Variants in INPP5F observed in about 807,000 individuals in gnomAD.
INPP5F encodes the protein phosphatidylinositide 4-phosphatase SAC2.
In INPP5F, 97 loss-of-function variants were observed where a neutral mutation model predicts 137.2. That is an observed-to-expected ratio of 0.71 (90% confidence interval 0.60 to 0.84). INPP5F has a LOEUF of 0.84. Ranked by LOEUF, INPP5F falls within the 40% of genes least tolerant of loss-of-function variation. The probability of loss-of-function intolerance (pLI) is 0.00; values close to 1 mark genes in which losing one functional copy is unlikely to be tolerated. For synonymous variants in INPP5F, 504 were observed against 476.9 expected, an observed-to-expected ratio of 1.06 and a Z score of -0.74; for missense variants, 1,271 against 1,371.9, an observed-to-expected ratio of 0.93 and a Z score of 1.16.
intron 9 of INPP5F, among the ~76,000 whole-genome samples, chr10:119,799,080 T>C (rs777586362): frequency 9.9e-5 from 15 of 152,252 alleles, no homozygotes; most frequent in Non-Finnish European, 2.1e-4. Context: ...TAACTTGTTA[T>C]GTATTTTTCA....
chr10:119,818,594 G>GGCGTAGGAT (rs1335371663), intron 15 of INPP5F: 1 of 152,388 alleles, frequency 6.6e-6, no homozygotes, highest in Non-Finnish European at 1.5e-5. Flanking sequence ...CTCGTTGGTA[G>GGCGTAGGAT]GCGTAGGATG....
chr10:119,805,361 C>A (rs756193264), intron 10 of INPP5F, 23 bp from the exon 11 acceptor site: 3 of 1,583,572 alleles, frequency 1.9e-6, no homozygotes, highest in Non-Finnish European at 2.6e-6. Flanking sequence ...AAGATTTTTT[C>A]TTTCTTTTGG....
At chr10:119,795,861 C>T (rs1234243990) in intron 6 of INPP5F, among the ~76,000 whole-genome samples, 2 of 152,286 alleles carry the variant, frequency 1.3e-5, no homozygotes, top group East Asian at 1.9e-4. Flanking sequence ...GGATCACTCG[C>T]GGTTAGGAGC....
intron 1 of INPP5F, among the ~76,000 whole-genome samples, chr10:119,749,288 C>T (rs1046880372): frequency 3.5e-4 from 54 of 152,210 alleles, no homozygotes; most frequent in African/African-American, 1.2e-3. Flanking sequence ...GCAGCGCTCC[C>T]GCTTGTTTTC....
At position 119,808,003 on chromosome 10, in the gene INPP5F, G is replaced by A; in HGVS notation, c.1512G>A (p.Met504Ile). The A allele has an allele frequency of 6.2e-7, 1 of 1,614,030 alleles. No homozygotes were observed. The highest frequency in any genetic ancestry group is 8.5e-7 in the Non-Finnish European group (1 of 1,179,996). The change falls in exon 13 of 20, where the codon ATG (methionine) becomes ATA (isoleucine). Residue 504 changes from methionine (M) to isoleucine (I), a missense_variant. Around this residue, in one of 6 missense-constraint regions of INPP5F, gnomAD observed 593 missense variants for 712.4 expected, o/e 0.83. Coordinates refer to ENST00000650623, the MANE Select transcript of INPP5F (RefSeq NM_014937.4). ...AATGTAATCGCATCTACCAGATAAT[G>A]TGGGCCAATAATGGTGACTCCATTA... ...PVKCNRIYQIMWANNGDSISR... is the reference protein window; with the variant it reads ...PVKCNRIYQIIWANNGDSISR...
intron 1 of INPP5F, among the ~76,000 whole-genome samples, chr10:119,743,408 A>G (rs1294095400): frequency 1.3e-5 from 2 of 152,222 alleles, no homozygotes; most frequent in Non-Finnish European, 2.9e-5. Flanking sequence ...CAGGCAAGTC[A>G]GTAATGACAT....
At chr10:119,818,445 C>G (rs535384593) in intron 15 of INPP5F, among the ~76,000 whole-genome samples, 1 of 152,224 alleles carries the variant, frequency 6.6e-6, no homozygotes, top group East Asian at 1.9e-4. Context: ...GCCAGACGCT[C>G]GGTGCAGTAC....
In INPP5F at chr10:119,787,317, G is replaced by T. The variant is rs1849953301; in HGVS notation, c.316-4200G>T. Among the ~76,000 whole-genome samples, 2 of 152,144 alleles carry T rather than the reference G, an allele frequency of 1.3e-5. No individual in the cohort carries two copies. Among genetic ancestry groups the T allele is most frequent in the Non-Finnish European group, 2.9e-5 (2 of 68,024 alleles). On this transcript the variant is annotated intron_variant, in intron 3 of 19. Coordinates refer to ENST00000650623, the MANE Select transcript of INPP5F (RefSeq NM_014937.4). This position sits in a 1 kb window ranked among gnomAD's most constrained non-coding sequence, Gnocchi z 4.1. ...AAAATAGAAAAGACCAGGTGTGGTG[G>T]CTCAAGCCTGTAATCCCAACACTTT... is the stretch of plus-strand genomic sequence containing the variant.
At chr10:119,765,679 G>C (rs1467871482) in intron 2 of INPP5F, among the ~76,000 whole-genome samples, 1 of 149,784 alleles carries the variant, frequency 6.7e-6, no homozygotes, top group African/African-American at 2.5e-5. Context: ...ACTGTGCCCA[G>C]CCAAAAGTTG....
intron 6 of INPP5F, among the ~76,000 whole-genome samples, chr10:119,794,890 G>A (rs1308775759): frequency 1.4e-4 from 16 of 110,894 alleles, no homozygotes; most frequent in South Asian, 4.5e-4. Flanking sequence ...GCGGCTGGCC[G>A]GGCGGGGGGC....
intron 7 of INPP5F, 127 bp from the exon 8 acceptor site, chr10:119,797,334 C>T: frequency 1.4e-6 from 1 of 719,100 alleles, no homozygotes; most frequent in Non-Finnish European, 2.3e-6. Flanking sequence ...TACTGTTCTG[C>T]TTGGCAGTTG....
intron 15 of INPP5F, among the ~76,000 whole-genome samples, chr10:119,817,646 A>C (rs1047615834): frequency 2.0e-5 from 3 of 151,994 alleles, no homozygotes; most frequent in African/African-American, 4.8e-5. Flanking sequence ...TCTTAGTTGG[A>C]AAAACATGTA....
intron 1 of INPP5F, among the ~76,000 whole-genome samples, chr10:119,746,804 GAC>G (rs1330928112): frequency 1.4e-5 from 2 of 143,174 alleles, no homozygotes; most frequent in African/African-American, 2.6e-5. Flanking sequence ...TTTTTTTTGA[GAC>G]AGAGTCTTGC....
chr10:119,773,557 G>T (rs966680561), intron 2 of INPP5F, among the ~76,000 whole-genome samples: 15 of 152,096 alleles, frequency 9.9e-5, no homozygotes, highest in Admixed American at 7.9e-4. Flanking sequence ...CATTTATTGA[G>T]ACACCATTCT....
chr10:119,726,769 G>C (rs367767392), intron 1 of INPP5F, among the ~76,000 whole-genome samples: 1 of 152,228 alleles, frequency 6.6e-6, no homozygotes, highest in African/African-American at 2.4e-5. Context: ...TTCCGATCTG[G>C]AGCGGTTGCG....
chr10:119,827,965 C>A lies in INPP5F; in HGVS notation c.*185C>A. 1 of 557,450 alleles carries A rather than the reference C, an allele frequency of 1.8e-6. No homozygotes were observed. Among genetic ancestry groups the A allele is most frequent in the Non-Finnish European group, 3.2e-6 (1 of 314,548 alleles). The allele number at this position is 557,450 out of a possible 1,614,324, so 34.5% of individuals were successfully genotyped here. ...TACAGCCAGGACTACAGAAGTGCATCATTCTAGAATGTGTAGACCTGAGTA... is the reference window on the plus strand; with the variant it reads ...TACAGCCAGGACTACAGAAGTGCATAATTCTAGAATGTGTAGACCTGAGTA... On this transcript the variant is annotated 3_prime_UTR_variant, in exon 20 of 20. Coordinates refer to ENST00000650623, the MANE Select transcript of INPP5F (RefSeq NM_014937.4).
rs139652817 is a variant in INPP5F at position 119,819,793 on chromosome 10, A to T, written c.1887-1053A>T. The T allele has an allele frequency of 2.4e-3, 772 of 327,534 alleles. 4 individuals are homozygous for T. The highest frequency in any genetic ancestry group is 0.015 in the African/African-American group (704 of 47,218). The allele number at this position is 327,534 out of a possible 1,614,324, so 20.3% of individuals were successfully genotyped here. A position where few individuals can be genotyped will look rare whatever the true frequency, so the allele number is the denominator to read the frequency against. On this transcript the variant is annotated intron_variant, in intron 15 of 19. Coordinates refer to ENST00000650623, the MANE Select transcript of INPP5F (RefSeq NM_014937.4). Reference sequence around the variant, plus strand: ...TTAAGACTGTTGGACTCAAGCTACAACGAGGTGTCTCTGATGTAAAAAACT... The same window carrying T: ...TTAAGACTGTTGGACTCAAGCTACATCGAGGTGTCTCTGATGTAAAAAACT...
intron 2 of INPP5F, among the ~76,000 whole-genome samples, chr10:119,777,235 G>A (rs1490252252): frequency 6.6e-6 from 1 of 152,120 alleles, no homozygotes; most frequent in Non-Finnish European, 1.5e-5. Flanking sequence ...ATGGCCGGGC[G>A]CAGTGGTGCA....
chr10:119,780,959 C>T (rs561193988), intron 2 of INPP5F, among the ~76,000 whole-genome samples: 4 of 152,136 alleles, frequency 2.6e-5, no homozygotes, highest in Admixed American at 6.6e-5. Context: ...CTGCAGATAC[C>T]GAGGGATGGC....
Sources: gnomAD v4.1 joint callset for allele counts (sites outside exome capture counted in the v4.1 genomes callset) on GRCh38, gnomAD v4.1.1 for gene constraint, gnomAD v4.1.1 regional missense constraint, Gnocchi (gnomAD v3.1) non-coding constraint, MANE v1.5 for transcripts, NCBI Gene and HGNC (gene_info 2026-07-23, HGNC 2026-07-21) for gene names.